Variants in MOV10 observed in about 807,000 individuals in gnomAD.
MOV10 encodes Mov10 RNA helicase.
Under a neutral mutation model 108.4 loss-of-function variants are expected in MOV10, and 39 were observed. The ratio of observed to expected loss-of-function variants is 0.36; its 90% CI spans 0.28 to 0.47. The LOEUF is 0.47. Ranked by LOEUF, MOV10 falls within the 20% of genes least tolerant of loss-of-function variation. The pLI, the probability that MOV10 is intolerant of heterozygous loss-of-function variation, is 1.00. For missense variants in MOV10, 952 were observed against 1,297.6 expected, an observed-to-expected ratio of 0.73 and a Z score of 4.09; for synonymous variants, 490 against 523.1, an observed-to-expected ratio of 0.94 and a Z score of 0.86.
Position 112,691,785 on chromosome 1 carries a change from G to T in MOV10, c.957G>T (p.Glu319Asp), listed in dbSNP as rs1247062117. 2 of 1,613,824 alleles carry T rather than the reference G, an allele frequency of 1.2e-6. No homozygotes were observed. Among genetic ancestry groups the T allele is most frequent in the Non-Finnish European group, 1.7e-6 (2 of 1,179,796 alleles). The change falls in exon 6 of 21, where the codon GAG becomes GAT. Residue 319 changes from glutamate (E) to aspartate (D), a missense_variant. By Grantham distance (45) the Glu-to-Asp change is conservative (BLOSUM62 2). Around this residue, in one of 5 missense-constraint regions of MOV10, gnomAD observed 374 missense variants for 468.6 expected, o/e 0.80. Coordinates refer to ENST00000369645, the MANE Select transcript of MOV10 (RefSeq NM_001321324.2). Reference protein sequence around the residue: ...QGTSIFTAPKEIAEIKAQLET... With the variant: ...QGTSIFTAPKDIAEIKAQLET... ...CAAGTATCTTCACTGCCCCTAAGGA[G>T]ATCGCAGAGATCAAGTAAGTACCAT...
intron 2 of MOV10, among the ~76,000 whole-genome samples, chr1:112,682,715 A>G (rs1018881753): frequency 1.3e-5 from 2 of 152,172 alleles, no homozygotes; most frequent in African/African-American, 4.8e-5. Flanking sequence ...CATTTAATGG[A>G]ATCATATAGT....
chr1:112,676,618 G>A (rs1256834548), intron 2 of MOV10, among the ~76,000 whole-genome samples: 2 of 152,128 alleles, frequency 1.3e-5, no homozygotes, highest in East Asian at 1.9e-4. Flanking sequence ...TTACTAAGAG[G>A]AGTCATAAAG....
chr1:112,697,763 G>A, intron 14 of MOV10: 1 of 502,304 alleles, frequency 2.0e-6, no homozygotes, highest in Non-Finnish European at 3.6e-6. Context: ...AGTTTTAAAT[G>A]TCATGGGTCT....
rs536087571 is a variant in MOV10 at position 112,700,143 on chromosome 1, G to A, written c.2799-76G>A. On this transcript the variant is annotated intron_variant, in intron 19 of 20. Coordinates refer to ENST00000369645, the MANE Select transcript of MOV10 (RefSeq NM_001321324.2). The stretch of plus-strand genomic sequence containing the variant: ...ATAAGTTAAATGACATCCAGAGGTT[G>A]AGCAAGTACAGCTCAGATGGGACAG... 3 of 1,606,188 alleles carry A rather than the reference G, an allele frequency of 1.9e-6. No homozygotes were observed. The African/African-American group carries it at 4.0e-5, about 21-fold the overall frequency.
chr1:112,675,136 G>A lies in MOV10; in HGVS notation c.137+87G>A. Reference sequence around the variant, plus strand: ...GCGAGGGCCACCTTTCCCGCCCCGGGGCGCAGAGGGACGCAGCTCCCCCAG... The same window carrying A: ...GCGAGGGCCACCTTTCCCGCCCCGGAGCGCAGAGGGACGCAGCTCCCCCAG... On this transcript the variant is annotated intron_variant, in intron 2 of 20. Coordinates refer to ENST00000369645, the MANE Select transcript of MOV10 (RefSeq NM_001321324.2). The surrounding 1 kb of genome is among the most constrained non-coding windows in gnomAD (Gnocchi z 4.7). 6.7e-7 allele frequency: 1 copy of A among 1,493,900 alleles called. No individual in the cohort carries two copies. The highest frequency in any genetic ancestry group is 2.2e-5 in the Admixed American group (1 of 44,822). The allele number at this position is 1,493,900 out of a possible 1,614,324, so 92.5% of individuals were successfully genotyped here. A position where few individuals can be genotyped will look rare whatever the true frequency, so the allele number is the denominator to read the frequency against.
In MOV10 at chr1:112,696,138, C is replaced by T. The variant is rs1227632339; in HGVS notation, c.1780-10C>T. The T allele has an allele frequency of 3.1e-6, 5 of 1,601,798 alleles. No individual in the cohort carries two copies. The African/African-American group carries it at 6.7e-5, about 21-fold the overall frequency. On this transcript the variant is annotated splice_polypyrimidine_tract_variant and intron_variant, in intron 11 of 20. Transcript: ENST00000369645. ...CAAGCTGATTCCTCTGGTCCCTTCA[C>T]AATCCACAGCCCTGCTGCAACTGGG...
intron 2 of MOV10, among the ~76,000 whole-genome samples, chr1:112,687,424 A>G (rs1557757559): frequency 1.3e-5 from 2 of 152,330 alleles, no homozygotes; most frequent in Middle Eastern, 6.8e-3. Flanking sequence ...AGGAATTACC[A>G]TAGTCCTCAT....
rs1370915946 is a variant in MOV10, at chr1:112,675,120, A to G, written c.137+71A>G. 1.9e-6 allele frequency: 3 copies of G among 1,547,164 alleles called. No individual in the cohort carries two copies. The highest frequency in any genetic ancestry group is 1.7e-6 in the Non-Finnish European group (2 of 1,148,008). ...CTGCCACGACCCCCGCGCGAGGGCC[A>G]CCTTTCCCGCCCCGGGGCGCAGAGG... On this transcript the variant is annotated intron_variant, in intron 2 of 20. Transcript: ENST00000369645. The surrounding 1 kb of genome is among the most constrained non-coding windows in gnomAD (Gnocchi z 4.7).
intron 2 of MOV10, among the ~76,000 whole-genome samples, chr1:112,682,576 G>A (rs1159004530): frequency 6.6e-6 from 1 of 152,208 alleles, no homozygotes; most frequent in South Asian, 2.1e-4. Context: ...GCAAACGCCT[G>A]TTGAGGTACA....
intron 14 of MOV10, 46 bp downstream of exon 14, chr1:112,696,892 A>C: frequency 1.4e-6 from 2 of 1,472,216 alleles, no homozygotes; most frequent in Non-Finnish European, 1.9e-6. Context: ...ATGCTTTCAC[A>C]TCCTGCATGC....
chr1:112,697,076 G>C (rs939490117), intron 14 of MOV10, among the ~76,000 whole-genome samples: 3 of 152,320 alleles, frequency 2.0e-5, no homozygotes, highest in Admixed American at 6.5e-5. Context: ...TGCATCTTAG[G>C]GGGTGGTCAG....
Position 112,699,694 on chromosome 1 carries a change from G to C in MOV10, c.2593G>C (p.Val865Leu). 2.5e-6 allele frequency: 4 copies of C among 1,614,206 alleles called. No homozygotes were observed. Among genetic ancestry groups the C allele is most frequent in the Non-Finnish European group, 3.4e-6 (4 of 1,180,036 alleles). The change falls in exon 18 of 21, where the codon GTA (valine) becomes CTA (leucine). Residue 865 changes from valine (V) to leucine (L), a missense_variant. This residue lies in a region of MOV10 where 453 missense variants were observed against 611.5 expected (regional missense o/e 0.74). Coordinates refer to ENST00000369645, the MANE Select transcript of MOV10 (RefSeq NM_001321324.2). ...DDIKDLKVGS[V>L]EEFQGQERSV... ...CCTCTTTCCCCACTAGGTGGGTTCA[G>C]TAGAAGAATTCCAAGGCCAAGAACG...
chr1:112,681,330 A>T (rs907898464), intron 2 of MOV10, among the ~76,000 whole-genome samples: 13 of 151,814 alleles, frequency 8.6e-5, no homozygotes, highest in Non-Finnish European at 2.9e-5. Flanking sequence ...CGTCTCTACT[A>T]AAAAATACAA....
rs1673723948 is a variant in MOV10, at chr1:112,693,015, C to A, written c.1140+86C>A. 9 of 1,322,324 alleles carry A rather than the reference C, an allele frequency of 6.8e-6. No individual in the cohort carries two copies. The Admixed American group carries it at 1.5e-4, about 23-fold the overall frequency. 81.9% of individuals were successfully genotyped at this position (1,322,324 alleles called of 1,614,324 possible). ...GGCAGAACTATTCCTGACAGCAGGG[C>A]AGAACAAGAGGAAAGTTGAAGTGGT... On this transcript the variant is annotated intron_variant, in intron 7 of 20. Coordinates refer to ENST00000369645, the MANE Select transcript of MOV10 (RefSeq NM_001321324.2).
rs765083768 is a variant in MOV10, at chr1:112,689,103, C to T, written c.306C>T (p.His102=). Residue 102 remains histidine, a synonymous_variant, in exon 3 of 21, where the codon CAC becomes CAT. Transcript: ENST00000369645. ...AGCTGGGGTCAGATATCAGCAAACA[C>T]CACAAGTCACTGCTAGCCAAGATCT... ...RMKLGSDISK[H]HKSLLAKIFY... is the part of the protein sequence containing the mutation. 1.2e-6 allele frequency: 2 copies of T among 1,610,790 alleles called. No homozygotes were observed. Among genetic ancestry groups the T allele is most frequent in the African/African-American group, 1.3e-5 (1 of 74,848 alleles).
intron 11 of MOV10, 112 bp from the exon 12 acceptor site, chr1:112,696,036 T>C: frequency 1.3e-6 from 1 of 766,036 alleles, no homozygotes. Context: ...CGAGACTCCG[T>C]CTCAATTAAA....
In MOV10 at chr1:112,689,498, G is replaced by A. The variant is rs116655742; in HGVS notation, c.425G>A (p.Arg142His). The change falls in exon 4 of 21, where the codon CGC becomes CAC. Residue 142 changes from arginine to histidine, a missense_variant. Physicochemically the swap from Arg to His is conservative, Grantham distance 29. Around this residue, in one of 5 missense-constraint regions of MOV10, gnomAD observed 374 missense variants for 468.6 expected, o/e 0.80. Coordinates refer to ENST00000369645, the MANE Select transcript of MOV10 (RefSeq NM_001321324.2). ...HEARDGQLLI[R>H]LDLNRKEVLT... ...GCCCGAGATGGGCAGCTCCTTATCC[G>A]CCTGGATTTGAACCGCAAAGAGGTG... 9 of 1,609,444 alleles carry A rather than the reference G, an allele frequency of 5.6e-6. No individual in the cohort carries two copies. The highest frequency in any genetic ancestry group is 2.2e-5 in the East Asian group (1 of 44,556).
upstream of MOV10, chr1:112,674,502 C>T (rs1672020181): frequency 6.4e-6 from 1 of 155,346 alleles, no homozygotes; most frequent in South Asian, 1.9e-4. Flanking sequence ...TCACTGAGTC[C>T]CGAGGCTCTG....
chr1:112,688,697 A>G, intron 2 of MOV10: 3 of 1,420,454 alleles, frequency 2.1e-6, no homozygotes, highest in Non-Finnish European at 2.8e-6. Context: ...AACAATCCAG[A>G]ACCCACTGTT....
Sources: allele counts gnomAD v4.1 joint callset (sites outside exome capture counted in the v4.1 genomes callset), GRCh38; gene constraint gnomAD v4.1.1; regional missense constraint gnomAD v4.1.1; non-coding constraint Gnocchi (gnomAD v3.1); transcripts MANE v1.5; gene names NCBI Gene and HGNC (gene_info 2026-07-23, HGNC 2026-07-21).